The following SLC23A1 variants were observed in gnomAD, a reference collection of about 807,000 sequenced individuals.
SLC23A1 encodes the protein solute carrier family 23 member 1.
In SLC23A1, 31 loss-of-function variants were observed where a neutral mutation model predicts 62.5. The observed-to-expected ratio is 0.50, with a 90% CI of 0.37 to 0.67. The LOEUF (loss-of-function observed/expected upper bound fraction) is 0.67. Among genes scored for constraint, SLC23A1 ranks in the 30% least tolerant of loss-of-function variants. The pLI is 0.00. For synonymous variants in SLC23A1, 271 were observed against 313.2 expected, an observed-to-expected ratio of 0.87 and a Z score of 1.42; for missense variants, 640 against 782.7, an observed-to-expected ratio of 0.82 and a Z score of 2.18.
rs1758123267 is a variant in SLC23A1, at chr5:139,379,443, C to G, written c.926-89G>C. 4 of 1,361,502 alleles carry G rather than the reference C, an allele frequency of 2.9e-6. No homozygotes were observed. The highest frequency in any genetic ancestry group is 4.2e-6 in the Non-Finnish European group (4 of 960,322). 84.3% of individuals were successfully genotyped at this position (1,361,502 alleles called of 1,614,324 possible). A position where few individuals can be genotyped will look rare whatever the true frequency, so the allele number is the denominator to read the frequency against. The stretch of plus-strand genomic sequence containing the variant: ...AGGGCAGTGCTGGAAGGAGCAAGAG[C>G]AGATCAGGAGACCTCAGGCTGGGAT... On this transcript the variant is annotated intron_variant, in intron 8 of 14. Coordinates refer to ENST00000348729, the MANE Select transcript of SLC23A1 (RefSeq NM_005847.5). This position sits in a 1 kb window ranked among gnomAD's most constrained non-coding sequence, Gnocchi z 4.7.
At chr5:139,382,399 C>T in intron 2 of SLC23A1, 93 bp downstream of exon 2, 1 of 707,326 alleles carries the variant, frequency 1.4e-6, no homozygotes. Context: ...GGTTTTTCTT[C>T]CTGTTACCCA....
chr5:139,379,628 T>G lies in SLC23A1; in HGVS notation c.925+50A>C. The G allele has an allele frequency of 6.5e-7, 1 of 1,538,802 alleles. No homozygotes were observed. The highest frequency in any genetic ancestry group is 8.9e-7 in the Non-Finnish European group (1 of 1,126,984). Reference sequence around the variant, plus strand: ...GGATTGGGGTCACCAGGAGTCTGTCTCATAGGTGGTCTCAGTTGGGGGCAG... The same window carrying G: ...GGATTGGGGTCACCAGGAGTCTGTCGCATAGGTGGTCTCAGTTGGGGGCAG... On this transcript the variant is annotated intron_variant, in intron 8 of 14. Coordinates refer to ENST00000348729, the MANE Select transcript of SLC23A1 (RefSeq NM_005847.5). The surrounding 1 kb of genome is among the most constrained non-coding windows in gnomAD (Gnocchi z 4.7).
chr5:139,370,612 G>A (rs1757601600), intron 14 of SLC23A1, among the ~76,000 whole-genome samples: 1 of 151,640 alleles, frequency 6.6e-6, no homozygotes, highest in African/African-American at 2.4e-5. Context: ...TCCTGTCTCA[G>A]CCTCAAGTAG....
At chr5:139,384,262 G>T, upstream of SLC23A1, 1 of 990,042 alleles carries the variant, frequency 1.0e-6, no homozygotes, top group Non-Finnish European at 1.3e-6. Context: ...GGGGCCCTAA[G>T]AACTCAGGCT....
chr5:139,374,563 CT>C (rs1346285921), intron 13 of SLC23A1, among the ~76,000 whole-genome samples: 1 of 152,194 alleles, frequency 6.6e-6, no homozygotes, highest in Non-Finnish European at 1.5e-5. Context: ...CCAGCTAGAC[CT>C]TAGTTTGAAT....
chr5:139,376,177 A>ATTTTTTT (rs1554159745), intron 13 of SLC23A1, among the ~76,000 whole-genome samples: 134,389 of 142,472 alleles, frequency 0.94, 63,420 homozygotes, highest in East Asian at 0.97. Flanking sequence ...CGATGTTTTA[A>ATTTTTTT]TTTTTTTTTT....
rs1356500147 is a variant in SLC23A1 at position 139,377,361 on chromosome 5, C to A, written c.1549+41G>T. 8 of 1,097,236 alleles carry A rather than the reference C, an allele frequency of 7.3e-6. No individual in the cohort carries two copies. The South Asian group carries it at 9.9e-5, about 14-fold the overall frequency. 68.0% of individuals were successfully genotyped at this position (1,097,236 alleles called of 1,614,324 possible). On this transcript the variant is annotated intron_variant, in intron 13 of 14. Transcript: ENST00000348729. The stretch of plus-strand genomic sequence containing the variant: ...AGGCCATCTGTTGGAGTGCATGAGT[C>A]CAGCCTAGTTCTTCATTCCCCTCCC...
intron 13 of SLC23A1, among the ~76,000 whole-genome samples, chr5:139,373,552 G>A (rs969747580): frequency 1.3e-5 from 2 of 151,730 alleles, no homozygotes; most frequent in African/African-American, 4.8e-5. Flanking sequence ...TTCACAAGAG[G>A]GCTGGGATCG....
chr5:139,376,177 A>ATTTTTCT (rs1554159741), intron 13 of SLC23A1, among the ~76,000 whole-genome samples: 3 of 142,470 alleles, frequency 2.1e-5, no homozygotes, highest in African/African-American at 7.9e-5. Context: ...CGATGTTTTA[A>ATTTTTCT]TTTTTTTTTT....
upstream of SLC23A1, among the ~76,000 whole-genome samples, chr5:139,385,578 T>C (rs1193693909): frequency 6.6e-6 from 1 of 152,126 alleles, no homozygotes; most frequent in Non-Finnish European, 1.5e-5. Context: ...GGTTCTCTTT[T>C]CTCATGAAGG....
chr5:139,380,891 A>G lies in SLC23A1; in HGVS notation c.309-5T>C, dbSNP rs1292944657. ...CTGGCCTGGAACAGCGGCAGCCTGG[A>G]GGAGAGGCACAAAGCAACAGGGGTG... On this transcript the variant is annotated splice_region_variant and splice_polypyrimidine_tract_variant and intron_variant, in intron 3 of 14. Coordinates refer to ENST00000348729, the MANE Select transcript of SLC23A1 (RefSeq NM_005847.5). 4 of 1,010,922 alleles carry G rather than the reference A, an allele frequency of 4.0e-6. No individual in the cohort carries two copies. The highest frequency in any genetic ancestry group is 4.1e-5 in the African/African-American group (2 of 48,256). 62.6% of individuals were successfully genotyped at this position (1,010,922 alleles called of 1,614,324 possible).
chr5:139,379,798 A>G lies in SLC23A1; in HGVS notation c.805T>C (p.Tyr269His), dbSNP rs1205621631. The G allele has an allele frequency of 3.7e-6, 6 of 1,613,976 alleles. No individual in the cohort carries two copies. The highest frequency in any genetic ancestry group is 5.1e-6 in the Non-Finnish European group (6 of 1,180,006). The change falls in exon 8 of 15, where the codon TAT becomes CAT. Residue 269 changes from tyrosine (Y) to histidine (H), a missense_variant. Tyr to His is a moderately conservative substitution (Grantham distance 83). Coordinates refer to ENST00000348729, the MANE Select transcript of SLC23A1 (RefSeq NM_005847.5). This position sits in a 1 kb window ranked among gnomAD's most constrained non-coding sequence, Gnocchi z 4.7. The stretch of plus-strand genomic sequence containing the variant: ...AGCACGTCTGTCAAGGTCAGGACAT[A>G]GCAGAGCAGCCACACGGTCATGATG... The part of the protein sequence containing the change: ...LAIMTVWLLC[Y>H]VLTLTDVLPT...
intron 14 of SLC23A1, among the ~76,000 whole-genome samples, chr5:139,370,173 G>T (rs1048776887): frequency 6.6e-6 from 1 of 152,092 alleles, no homozygotes; most frequent in Admixed American, 6.6e-5. Context: ...GTGGTTGGTT[G>T]GTTGGTTGGT....
intron 14 of SLC23A1, chr5:139,368,645 TGGAA>T: frequency 1.1e-6 from 1 of 870,130 alleles, no homozygotes; most frequent in Non-Finnish European, 1.9e-6. Flanking sequence ...TTTTTTTTTT[TGGAA>T]GATGTTTTTG....
rs1183558612 is a variant in SLC23A1, at chr5:139,382,749, C to T, written c.37-144G>A. On this transcript the variant is annotated intron_variant, in intron 1 of 14. Coordinates refer to ENST00000348729, the MANE Select transcript of SLC23A1 (RefSeq NM_005847.5). ...CGCCCTCCCCAACAGTCCATCCACCCGGGTGCCACTTGGCCTGGCCACAGT... is the reference window on the plus strand; with the variant it reads ...CGCCCTCCCCAACAGTCCATCCACCTGGGTGCCACTTGGCCTGGCCACAGT... The T allele has an allele frequency of 2.9e-5, 18 of 616,504 alleles. No individual in the cohort carries two copies. The Admixed American group carries it at 3.5e-4, about 12-fold the overall frequency. The allele number at this position is 616,504 out of a possible 1,614,324, so 38.2% of individuals were successfully genotyped here.
In SLC23A1 at chr5:139,378,274, G is replaced by A; in HGVS notation, c.1257C>T (p.Leu419=). The A allele has an allele frequency of 6.2e-7, 1 of 1,606,564 alleles. No individual in the cohort carries two copies. Among genetic ancestry groups the A allele is most frequent in the African/African-American group, 1.3e-5 (1 of 74,898 alleles). ...VLGTIGKFTA[L]FASLPDPILG... ...GGATGGGGTCAGGGAGCGAGGCGAA[G>A]AGGGCCGTGAACTTGCCGATGGTGC... Residue 419 remains leucine, a synonymous_variant, in exon 11 of 15, where the codon CTC becomes CTT. Coordinates refer to ENST00000348729, the MANE Select transcript of SLC23A1 (RefSeq NM_005847.5). This position sits in a 1 kb window ranked among gnomAD's most constrained non-coding sequence, Gnocchi z 4.5.
chr5:139,370,894 C>A (rs1018974943), intron 14 of SLC23A1, among the ~76,000 whole-genome samples: 1 of 151,900 alleles, frequency 6.6e-6, no homozygotes, highest in Non-Finnish European at 1.5e-5. Flanking sequence ...AGTTTGAGAC[C>A]AGCCTGGCCA....
rs746889166 is a variant in SLC23A1 at position 139,380,039 on chromosome 5, G to T, written c.685C>A (p.Arg229Ser). The stretch of plus-strand genomic sequence containing the variant: ...ACAGGCAGCAGGAAGGTGAGGTTGC[G>T]CAGGTACTGGGAGAAGAGGATGATC... ...LLIILFSQYL[R>S]NLTFLLPVYR... Residue 229 changes from arginine to serine, a missense_variant, in exon 7 of 15, where the codon CGC (arginine) becomes AGC (serine). Arg to Ser is a moderately radical substitution (Grantham distance 110). Transcript: ENST00000348729. 4 of 1,613,770 alleles carry T rather than the reference G, an allele frequency of 2.5e-6. No homozygotes were observed. The highest frequency in any genetic ancestry group is 2.2e-5 in the South Asian group (2 of 91,028).
chr5:139,381,114 C>T (rs528738522), intron 3 of SLC23A1, among the ~76,000 whole-genome samples: 46 of 152,352 alleles, frequency 3.0e-4, no homozygotes, highest in Non-Finnish European at 4.6e-4. Context: ...CCCTTCCCAC[C>T]ACCAGCTCCT....
Sources: allele counts gnomAD v4.1 joint callset (sites outside exome capture counted in the v4.1 genomes callset), GRCh38; gene constraint gnomAD v4.1.1; non-coding constraint Gnocchi (gnomAD v3.1); transcripts MANE v1.5; gene names NCBI Gene and HGNC (gene_info 2026-07-23, HGNC 2026-07-21).